The following TMC2 variants were observed in gnomAD, a reference collection of about 807,000 sequenced individuals.
TMC2 encodes the protein transmembrane channel like 2.
Under a neutral mutation model 105.9 loss-of-function variants are expected in TMC2, and 102 were observed. The ratio of observed to expected loss-of-function variants is 0.96; its 90% CI spans 0.82 to 1.14. The LOEUF is 1.14. Ranked by LOEUF, TMC2 falls within the 50% of genes most tolerant of loss-of-function variation. TMC2 has a pLI of 0.00. For synonymous variants in TMC2, 402 were observed against 422.8 expected (o/e 0.95, Z 0.60); for missense variants, 1,093 against 1,134.3 (o/e 0.96, Z 0.52).
intron 7 of TMC2, among the ~76,000 whole-genome samples, 194 bp downstream of exon 7, chr20:2,580,250 C>T (rs1373506552): frequency 1.3e-5 from 2 of 152,056 alleles, no homozygotes; most frequent in African/African-American, 4.8e-5. Context: ...TTATAAATTA[C>T]TGCCATGAAA....
chr20:2,633,123 TG>T (rs2086616557), intron 17 of TMC2, among the ~76,000 whole-genome samples: 1 of 152,254 alleles, frequency 6.6e-6, no homozygotes, highest in Non-Finnish European at 1.5e-5. Flanking sequence ...ACCTACTGAC[TG>T]GAAAGAGATT....
At chr20:2,560,054 C>T (rs1222128176) in intron 3 of TMC2, among the ~76,000 whole-genome samples, 4 of 152,130 alleles carry the variant, frequency 2.6e-5, no homozygotes, top group Non-Finnish European at 5.9e-5. Flanking sequence ...AAGCAATATG[C>T]ATGCAAGACA....
chr20:2,613,293 T>C lies in TMC2; in HGVS notation c.1843T>C (p.Cys615Arg), dbSNP rs2086456093. ...RACFVRFMNY[C>R]WCWDLEAGFP... ...TTGTTTTGTGCGGTTCATGAACTAC[T>C]GCTGGTGCTGGGACTTGGAGGCTGG... The change falls in exon 14 of 20, where the codon TGC (cysteine) becomes CGC (arginine). Residue 615 changes from cysteine to arginine, a missense_variant. By Grantham distance (180) the Cys-to-Arg change is radical. Transcript: ENST00000358864. The C allele has an allele frequency of 6.2e-7, 1 of 1,614,164 alleles. No individual in the cohort carries two copies. The highest frequency in any genetic ancestry group is 8.5e-7 in the Non-Finnish European group (1 of 1,180,008).
intron 4 of TMC2, among the ~76,000 whole-genome samples, chr20:2,571,878 C>A (rs1015219722): frequency 5.3e-5 from 8 of 152,166 alleles, no homozygotes; most frequent in African/African-American, 1.9e-4. Context: ...ATCTTAACTA[C>A]ATTTTAAAAG....
chr20:2,562,377 T>C (rs2086033419), intron 4 of TMC2, among the ~76,000 whole-genome samples: 1 of 152,240 alleles, frequency 6.6e-6, no homozygotes, highest in African/African-American at 2.4e-5. Context: ...AGAGCAGCTC[T>C]CTCTCATGTT....
intron 4 of TMC2, among the ~76,000 whole-genome samples, chr20:2,562,906 A>G (rs941911750): frequency 1.3e-5 from 2 of 152,072 alleles, no homozygotes; most frequent in Non-Finnish European, 2.9e-5. Flanking sequence ...AGATCATGCC[A>G]CTGAACTCCA....
chr20:2,573,347 A>G (rs2086116633), intron 5 of TMC2, among the ~76,000 whole-genome samples: 1 of 151,970 alleles, frequency 6.6e-6, no homozygotes, highest in Non-Finnish European at 1.5e-5. Context: ...TTATATCCTT[A>G]AGCAAAGTTT....
chr20:2,602,603 A>G (rs1362325600), intron 11 of TMC2, among the ~76,000 whole-genome samples: 1 of 152,228 alleles, frequency 6.6e-6, no homozygotes, highest in Non-Finnish European at 1.5e-5. Context: ...TACATCGTAA[A>G]TCAAGTGTCT....
intron 4 of TMC2, among the ~76,000 whole-genome samples, chr20:2,569,419 T>C (rs1359096215): frequency 6.6e-6 from 1 of 152,252 alleles, no homozygotes; most frequent in Admixed American, 6.5e-5. Flanking sequence ...GTTCAACTTA[T>C]AATTTTTCAG....
At chr20:2,547,216 AG>A (rs1319819515) in intron 2 of TMC2, among the ~76,000 whole-genome samples, 3 of 152,226 alleles carry the variant, frequency 2.0e-5, no homozygotes, top group African/African-American at 7.2e-5. Context: ...CATCTCCAAT[AG>A]AAAAGCACTG....
At chr20:2,541,124 C>A (rs1262749255) in intron 2 of TMC2, among the ~76,000 whole-genome samples, 1 of 152,202 alleles carries the variant, frequency 6.6e-6, no homozygotes, top group Non-Finnish European at 1.5e-5. Context: ...AACTCCTGTT[C>A]ATCCTTCAAG....
chr20:2,576,309 A>G (rs968950259), intron 5 of TMC2, among the ~76,000 whole-genome samples: 8 of 152,150 alleles, frequency 5.3e-5, no homozygotes, highest in African/African-American at 1.9e-4. Flanking sequence ...GCCCCAGTCC[A>G]GTTTTCTGAC....
intron 4 of TMC2, 30 bp downstream of exon 4, chr20:2,562,040 T>C: frequency 1.2e-6 from 2 of 1,604,188 alleles, no homozygotes; most frequent in Non-Finnish European, 1.7e-6. Context: ...GCCAGGGCCT[T>C]CCGATGTCCA....
rs1418903931 is a variant in TMC2, at chr20:2,642,542, G to A, written c.*1191G>A. Among the ~76,000 whole-genome samples, 6 of 152,188 alleles carry A rather than the reference G, an allele frequency of 3.9e-5. No homozygotes were observed. The highest frequency in any genetic ancestry group is 9.7e-5 in the African/African-American group (4 of 41,442). On this transcript the variant is annotated 3_prime_UTR_variant, in exon 20 of 20. Coordinates refer to ENST00000358864, the MANE Select transcript of TMC2 (RefSeq NM_080751.3). ...GTTTCTCTGAAGAGTTTTGCAAAAG[G>A]TACAATGCAGAGCGTTGTCTCTGGG...
At chr20:2,565,051 G>A (rs1185009477) in intron 4 of TMC2, among the ~76,000 whole-genome samples, 2 of 152,146 alleles carry the variant, frequency 1.3e-5, no homozygotes. Flanking sequence ...GGTCCCCATT[G>A]CCCCTCCCCA....
chr20:2,558,910 C>A lies in TMC2; in HGVS notation c.401+136C>A, dbSNP rs2086004940. 1.2e-6 allele frequency: 1 copy of A among 869,426 alleles called. No homozygotes were observed. The highest frequency in any genetic ancestry group is 1.7e-6 in the Non-Finnish European group (1 of 580,688). 53.9% of individuals were successfully genotyped at this position (869,426 alleles called of 1,614,324 possible). A position where few individuals can be genotyped will look rare whatever the true frequency, so the allele number is the denominator to read the frequency against. On this transcript the variant is annotated intron_variant, in intron 3 of 19. Coordinates refer to ENST00000358864, the MANE Select transcript of TMC2 (RefSeq NM_080751.3). This position sits in a 1 kb window ranked among gnomAD's most constrained non-coding sequence, Gnocchi z 4.6. ...CCGTGCCCTCGCTCTGGCTTCCGTGCCTCCCAGCCCTTACCACTGCCCCAC... is the reference window on the plus strand; with the variant it reads ...CCGTGCCCTCGCTCTGGCTTCCGTGACTCCCAGCCCTTACCACTGCCCCAC...
chr20:2,622,658 A>C (rs2086533686), intron 16 of TMC2, among the ~76,000 whole-genome samples: 1 of 151,900 alleles, frequency 6.6e-6, no homozygotes, highest in Non-Finnish European at 1.5e-5. Context: ...TCCAGCCTGG[A>C]CGACAGAGAG....
chr20:2,598,492 G>A (rs904384296), intron 10 of TMC2, among the ~76,000 whole-genome samples: 64 of 151,878 alleles, frequency 4.2e-4, no homozygotes, highest in Non-Finnish European at 1.3e-4. Context: ...TCAGCTCACT[G>A]CAACCTCCGG....
chr20:2,541,974 C>A (rs895563520), intron 2 of TMC2, among the ~76,000 whole-genome samples: 3 of 152,044 alleles, frequency 2.0e-5, no homozygotes, highest in Non-Finnish European at 4.4e-5. Context: ...TTTGTGTCCT[C>A]CCCCATATTG....
Sources: allele counts gnomAD v4.1 joint callset (sites outside exome capture counted in the v4.1 genomes callset), GRCh38; gene constraint gnomAD v4.1.1; non-coding constraint Gnocchi (gnomAD v3.1); transcripts MANE v1.5; gene names NCBI Gene and HGNC (gene_info 2026-07-23, HGNC 2026-07-21).